Variants in SLC44A5 observed in about 807,000 individuals in gnomAD.
SLC44A5 encodes solute carrier family 44 member 5.
A neutral mutation model predicts 101.8 loss-of-function variants in SLC44A5; 57 were observed. The ratio of observed to expected loss-of-function variants is 0.56; its 90% CI spans 0.45 to 0.70. The LOEUF is 0.70. Among genes scored for constraint, SLC44A5 ranks in the 30% least tolerant of loss-of-function variants. The pLI, the probability that SLC44A5 is intolerant of heterozygous loss-of-function variation, is 0.00. For synonymous variants in SLC44A5, 281 were observed against 290.9 expected (o/e 0.97, Z 0.35); for missense variants, 737 against 853.1 (o/e 0.86, Z 1.70).
chr1:75,632,528 C>T, the SLC44A5 span, among the ~76,000 whole-genome samples: 13 of 152,156 alleles, frequency 8.5e-5, no homozygotes. Context: ...CTTACAAATG[C>T]TGCCTCCCTT....
chr1:75,308,539 G>A (rs1294344577), intron 4 of SLC44A5, among the ~76,000 whole-genome samples: 3 of 152,142 alleles, frequency 2.0e-5, no homozygotes, highest in African/African-American at 7.2e-5. Flanking sequence ...CTGTCAGTAG[G>A]TGGAAACCAC....
chr1:75,387,956 C>G (rs1339063205), intron 3 of SLC44A5, among the ~76,000 whole-genome samples: 18 of 147,986 alleles, frequency 1.2e-4, no homozygotes, highest in Admixed American at 3.4e-4. Flanking sequence ...TAAACTATCG[C>G]AAGAACAAAA....
intron 6 of SLC44A5, among the ~76,000 whole-genome samples, chr1:75,268,365 C>T (rs1192517880): frequency 6.6e-6 from 1 of 152,176 alleles, no homozygotes; most frequent in Non-Finnish European, 1.5e-5. Context: ...CATTGCACAC[C>T]AGTCATTCTC....
At chr1:75,449,821 T>G (rs1008697338) in intron 2 of SLC44A5, among the ~76,000 whole-genome samples, 1 of 152,020 alleles carries the variant, frequency 6.6e-6, no homozygotes, top group African/African-American at 2.4e-5. Flanking sequence ...GCCAACATGG[T>G]GAAACTTCGT....
intron 4 of SLC44A5, among the ~76,000 whole-genome samples, chr1:75,311,894 G>A (rs984447339): frequency 5.9e-5 from 9 of 152,158 alleles, no homozygotes; most frequent in Admixed American, 5.9e-4. Flanking sequence ...AACAGCAAAT[G>A]CAAAGGCCCT....
chr1:75,655,865 C>A, the SLC44A5 span, among the ~76,000 whole-genome samples: 1 of 152,056 alleles, frequency 6.6e-6, no homozygotes, highest in Non-Finnish European at 1.5e-5. Flanking sequence ...TAACAGAGAA[C>A]TTTCAACTTA....
the SLC44A5 span, among the ~76,000 whole-genome samples, chr1:75,633,376 T>C: frequency 6.6e-6 from 1 of 152,212 alleles, no homozygotes; most frequent in Admixed American, 6.5e-5. Context: ...TCCATTTCTT[T>C]GTATCCTCTT....
At chr1:75,220,454 C>G (rs1647054958) in intron 14 of SLC44A5, among the ~76,000 whole-genome samples, 2 of 152,020 alleles carry the variant, frequency 1.3e-5, no homozygotes, top group African/African-American at 4.8e-5. Context: ...CCATTTTTTC[C>G]ACATAGCAAC....
chr1:75,423,059 C>T (rs1664107505), intron 2 of SLC44A5, among the ~76,000 whole-genome samples: 1 of 152,162 alleles, frequency 6.6e-6, no homozygotes. Flanking sequence ...ACATTAAATC[C>T]TGATTCATCT....
At chr1:75,482,508 TGA>T (rs1375462384) in intron 2 of SLC44A5, among the ~76,000 whole-genome samples, 21 of 152,188 alleles carry the variant, frequency 1.4e-4, no homozygotes, top group Non-Finnish European at 3.1e-4. Flanking sequence ...AGTGTGTGTG[TGA>T]GTTTGTGCAT....
chr1:75,464,013 G>A (rs1666665825), intron 2 of SLC44A5, among the ~76,000 whole-genome samples: 1 of 152,028 alleles, frequency 6.6e-6, no homozygotes, highest in Non-Finnish European at 1.5e-5. Flanking sequence ...ATGAGGTCAG[G>A]AAATCAAGAT....
intron 2 of SLC44A5, among the ~76,000 whole-genome samples, chr1:75,511,770 C>G (rs1245076738): frequency 6.6e-6 from 1 of 152,164 alleles, no homozygotes; most frequent in Non-Finnish European, 1.5e-5. Context: ...TCTTTCCAAG[C>G]ACTAAATAGC....
At chr1:75,558,746 C>T (rs1010187611) in intron 1 of SLC44A5, among the ~76,000 whole-genome samples, 2 of 152,114 alleles carry the variant, frequency 1.3e-5, no homozygotes, top group Middle Eastern at 3.4e-3. Context: ...CAACACTTTC[C>T]GACCTGAGAA....
chr1:75,557,672 T>G (rs1672294645), intron 1 of SLC44A5, among the ~76,000 whole-genome samples: 2 of 152,266 alleles, frequency 1.3e-5, no homozygotes, highest in Admixed American at 1.3e-4. Context: ...AACCACTGGC[T>G]ATTCAAGTCA....
chr1:75,590,950 T>C (rs1401058909), intron 1 of SLC44A5, among the ~76,000 whole-genome samples: 4 of 152,130 alleles, frequency 2.6e-5, no homozygotes, highest in Admixed American at 2.6e-4. Context: ...TGAGTGAAGA[T>C]AGGCAGTAGC....
chr1:75,209,276 C>G (rs1041202591), intron 23 of SLC44A5, among the ~76,000 whole-genome samples: 1 of 152,162 alleles, frequency 6.6e-6, no homozygotes, highest in Non-Finnish European at 1.5e-5. Flanking sequence ...AGACTGGAAG[C>G]TAGTAGGTTC....
At chr1:75,302,786 A>G (rs1359034619) in intron 4 of SLC44A5, among the ~76,000 whole-genome samples, 1 of 152,116 alleles carries the variant, frequency 6.6e-6, no homozygotes, top group East Asian at 1.9e-4. Context: ...TTGATCTGAC[A>G]AGCAAGATGG....
At chr1:75,236,844 G>A (rs2100581516) in intron 11 of SLC44A5, 143 bp downstream of exon 11, 1 of 498,190 alleles carries the variant, frequency 2.0e-6, no homozygotes, top group Non-Finnish European at 3.7e-6. Context: ...AAAATGGCAG[G>A]AACTGACATC....
At chr1:75,253,440 A>G (rs1557581572) in intron 6 of SLC44A5, among the ~76,000 whole-genome samples, 1 of 152,126 alleles carries the variant, frequency 6.6e-6, no homozygotes, top group Non-Finnish European at 1.5e-5. Context: ...ATGATATGAG[A>G]AAAATAAACC....
Sources: gnomAD v4.1 joint callset for allele counts (sites outside exome capture counted in the v4.1 genomes callset) on GRCh38, gnomAD v4.1.1 for gene constraint, MANE v1.5 for transcripts, NCBI Gene and HGNC (gene_info 2026-07-23, HGNC 2026-07-21) for gene names.